The following KIF15 variants were observed in gnomAD, a reference collection of about 807,000 sequenced individuals.
The protein encoded by KIF15 is kinesin family member 15.
A neutral mutation model predicts 190.6 loss-of-function variants in KIF15; 140 were observed. The observed-to-expected ratio is 0.73, with a 90% CI of 0.64 to 0.84. KIF15 has a LOEUF of 0.84. KIF15 is among the 40% of genes least tolerant of loss of function. The probability of loss-of-function intolerance (pLI) is 0.00; values close to 1 mark genes in which losing one functional copy is unlikely to be tolerated. For missense variants in KIF15, 1,372 were observed against 1,584.4 expected, an observed-to-expected ratio of 0.87 and a Z score of 2.28; for synonymous variants, 528 against 551.3, an observed-to-expected ratio of 0.96 and a Z score of 0.59.
chr3:44,847,384 A>G (rs1698895263), intron 30 of KIF15, among the ~76,000 whole-genome samples: 2 of 152,192 alleles, frequency 1.3e-5, no homozygotes, highest in South Asian at 4.1e-4. Context: ...AGATAGATGT[A>G]TTATCTAGAA....
At chr3:44,811,383 C>T (rs372375303) in intron 17 of KIF15, among the ~76,000 whole-genome samples, 8 of 152,294 alleles carry the variant, frequency 5.3e-5, no homozygotes, top group African/African-American at 1.4e-4. Flanking sequence ...CGGTGGCTCA[C>T]GCCTGTAATC....
chr3:44,802,951 A>C lies in KIF15; in HGVS notation c.1647A>C (p.Lys549Asn). 2 of 1,603,844 alleles carry C rather than the reference A, an allele frequency of 1.2e-6. No individual in the cohort carries two copies. The highest frequency in any genetic ancestry group is 1.7e-6 in the Non-Finnish European group (2 of 1,177,638). ...CCCAGACCATTGCAAAACTAGAAAA[A>C]GCTTTCTCTGAAATAAGTGGCATGG... Reference protein sequence around the residue: ...MDAQTIAKLEKAFSEISGMEK... With the variant: ...MDAQTIAKLENAFSEISGMEK... Residue 549 changes from lysine (K) to asparagine (N), a missense_variant, in exon 14 of 35, where the codon AAA (lysine) becomes AAC (asparagine). Transcript: ENST00000326047.
At position 44,843,237 on chromosome 3, in the gene KIF15, GAGAA is replaced by G; in HGVS notation, c.3695+8_3695+11del. 1 of 1,593,678 alleles carries G rather than the reference GAGAA, an allele frequency of 6.3e-7. No homozygotes were observed. Among genetic ancestry groups the G allele is most frequent in the South Asian group, 1.1e-5 (1 of 90,204 alleles). On this transcript the variant is annotated splice_donor_5th_base_variant and intron_variant, in intron 30 of 34. Transcript: ENST00000326047. ...ATTAAAAGACAAAAGGAAAACAGGTGAGAAAGAACCACGAGAACTCTATGGGCTA... is the reference window on the plus strand; with the variant it reads ...ATTAAAAGACAAAAGGAAAACAGGTGAGAACCACGAGAACTCTATGGGCTA...
chr3:44,829,140 G>A (rs1004646998), intron 24 of KIF15, among the ~76,000 whole-genome samples: 11 of 151,694 alleles, frequency 7.3e-5, no homozygotes, highest in Admixed American at 2.0e-4. Context: ...GGTGGATCAC[G>A]AGGTCAGAAG....
At position 44,802,812 on chromosome 3, in the gene KIF15, A is replaced by C. The variant is rs1460838938; in HGVS notation, c.1510-2A>C. The C allele has an allele frequency of 2.6e-6, 4 of 1,560,398 alleles. No individual in the cohort carries two copies. The highest frequency in any genetic ancestry group is 3.4e-6 in the Non-Finnish European group (4 of 1,161,482). ...AATGCGTGTAATTCTTCTATGTCAC[A>C]GATAGAGCACCACCCCAGAGTTGCA... is the stretch of plus-strand genomic sequence containing the variant. On this transcript the variant is annotated splice_acceptor_variant, in intron 13 of 34. Transcript: ENST00000326047. LOFTEE classifies it high-confidence loss of function.
intron 1 of KIF15, among the ~76,000 whole-genome samples, chr3:44,773,487 C>T (rs1338950367): frequency 3.9e-5 from 6 of 152,188 alleles, no homozygotes; most frequent in Admixed American, 3.3e-4. Context: ...CCATCCTACG[C>T]ATGAGCCTGC....
intron 10 of KIF15, among the ~76,000 whole-genome samples, chr3:44,799,489 A>G (rs1707154268): frequency 6.6e-6 from 1 of 151,874 alleles, no homozygotes. Context: ...GTTGGTACTC[A>G]GCTGTTGGCA....
At chr3:44,836,860 C>A (rs569068097) in intron 26 of KIF15, among the ~76,000 whole-genome samples, 1 of 152,214 alleles carries the variant, frequency 6.6e-6, no homozygotes, top group East Asian at 1.9e-4. Context: ...AGAAAGGTAA[C>A]CATGTGTGGA....
At chr3:44,822,648 A>G (rs911736975) in intron 20 of KIF15, among the ~76,000 whole-genome samples, 1 of 152,110 alleles carries the variant, frequency 6.6e-6, no homozygotes, top group African/African-American at 2.4e-5. Flanking sequence ...CACCAATCAA[A>G]TGTAGATTTG....
intron 3 of KIF15, among the ~76,000 whole-genome samples, chr3:44,776,247 T>C (rs1575580596): frequency 6.6e-6 from 1 of 151,824 alleles, no homozygotes; most frequent in Non-Finnish European, 1.5e-5. Flanking sequence ...CTTCTTTTTT[T>C]TTTTTCCCCC....
chr3:44,866,319 G>C (rs1371442012), intron 6 of KIF15, among the ~76,000 whole-genome samples: 1 of 152,148 alleles, frequency 6.6e-6, no homozygotes, highest in South Asian at 2.1e-4. Flanking sequence ...TGATCTGCCC[G>C]CCTCAGCCTC....
At chr3:44,819,226 T>C (rs1338289569) in intron 20 of KIF15, among the ~76,000 whole-genome samples, 8 of 152,192 alleles carry the variant, frequency 5.3e-5, no homozygotes, top group Non-Finnish European at 1.2e-4. Flanking sequence ...CTGAAGGGTT[T>C]TTTATGTCTC....
rs756767146 is a variant in KIF15, at chr3:44,801,928, G to A, written c.1463G>A (p.Arg488His). 6.8e-6 allele frequency: 11 copies of A among 1,613,708 alleles called. No homozygotes were observed. Among genetic ancestry groups the A allele is most frequent in the South Asian group, 2.2e-5 (2 of 91,034 alleles). ...GGTTTTCTGCCTGAGGAGCAGGATC[G>A]TTTGCTCTCAGAATTAAGGAATGAG... ...RGGFLPEEQD[R>H]LLSELRNEIQ... The change falls in exon 13 of 35, where the codon CGT becomes CAT. Residue 488 changes from arginine (R) to histidine (H), a missense_variant. Arg to His is a conservative substitution (Grantham distance 29). Coordinates refer to ENST00000326047, the MANE Select transcript of KIF15 (RefSeq NM_020242.3).
downstream of KIF15, among the ~76,000 whole-genome samples, chr3:44,854,524 T>C (rs950444067): frequency 3.9e-5 from 6 of 152,126 alleles, no homozygotes; most frequent in African/African-American, 1.4e-4. Context: ...AATGTAGTAT[T>C]AAATATAAGG....
At chr3:44,842,870 G>A (rs1698671425) in intron 29 of KIF15, among the ~76,000 whole-genome samples, 2 of 152,092 alleles carry the variant, frequency 1.3e-5, no homozygotes, top group Admixed American at 6.6e-5. Flanking sequence ...TATTCACAAA[G>A]GAATTTTAAT....
chr3:44,776,725 A>G (rs776001488), intron 3 of KIF15, among the ~76,000 whole-genome samples: 6 of 152,188 alleles, frequency 3.9e-5, no homozygotes, highest in Admixed American at 6.5e-5. Context: ...GTGCTATCCA[A>G]TGGAACTTTC....
At chr3:44,829,758 G>GTGTATATATTATAGATA (rs1697963270) in intron 24 of KIF15, among the ~76,000 whole-genome samples, 1 of 136,740 alleles carries the variant, frequency 7.3e-6, no homozygotes, top group African/African-American at 2.8e-5. Context: ...TATTATAGAT[G>GTGTATATATTATAGATA]TATATATATT....
At chr3:44,847,795 T>TG (rs1408526172) in intron 30 of KIF15, among the ~76,000 whole-genome samples, 190 bp from the exon 31 acceptor site, 2 of 152,248 alleles carry the variant, frequency 1.3e-5, no homozygotes, top group East Asian at 1.9e-4. Context: ...TCTGGGGAAG[T>TG]GCCTTATTTC....
At chr3:44,847,595 G>A (rs1035764230) in intron 30 of KIF15, among the ~76,000 whole-genome samples, 2 of 152,130 alleles carry the variant, frequency 1.3e-5, no homozygotes, top group Admixed American at 6.5e-5. Flanking sequence ...TACCCAAAAT[G>A]TGCCCCCTCC....
Sources: gnomAD v4.1 joint callset for allele counts (sites outside exome capture counted in the v4.1 genomes callset) on GRCh38, gnomAD v4.1.1 for gene constraint, MANE v1.5 for transcripts, NCBI Gene and HGNC (gene_info 2026-07-23, HGNC 2026-07-21) for gene names.